The following EDIL3 variants were observed in gnomAD, a reference collection of about 807,000 sequenced individuals.
EDIL3 encodes the protein EGF-like repeat and discoidin I-like domain-containing protein 3.
Under a neutral mutation model 67.4 loss-of-function variants are expected in EDIL3, and 37 were observed. The ratio of observed to expected loss-of-function variants is 0.55; its 90% CI spans 0.42 to 0.72. The LOEUF is 0.72. Ranked by LOEUF, EDIL3 falls within the 30% of genes least tolerant of loss-of-function variation. EDIL3 has a pLI of 0.00. For missense variants in EDIL3, 527 were observed against 586.3 expected (o/e 0.90, Z 1.04); for synonymous variants, 195 against 196.3 (o/e 0.99, Z 0.05).
Position 84,083,148 on chromosome 5 carries a change from A to C in EDIL3, c.652-16542T>G, listed in dbSNP as rs184756890. 5.6e-4 allele frequency among the ~76,000 whole-genome samples: 86 copies of C among 152,332 alleles called. 1 individual carries two copies. The highest frequency in any genetic ancestry group is 2.0e-3 in the African/African-American group (84 of 41,580). On this transcript the variant is annotated intron_variant, in intron 6 of 10. Transcript: ENST00000296591. ...AATTATTTTAAAAATAAAATAGGAA[A>C]GATAAAATAGCTTAAAGTGTATTGA...
rs139017867 is a variant in EDIL3 at position 84,039,233 on chromosome 5, G to A, written c.1137+21067C>T. ...CCCAAATGTCATTTAGAGTCATTCAGGGGCATTCCTGGTAACTTTAACCCA... is the reference window on the plus strand; with the variant it reads ...CCCAAATGTCATTTAGAGTCATTCAAGGGCATTCCTGGTAACTTTAACCCA... On this transcript the variant is annotated intron_variant, in intron 9 of 10. Coordinates refer to ENST00000296591, the MANE Select transcript of EDIL3 (RefSeq NM_005711.5). Among the ~76,000 whole-genome samples, 246 of 152,118 alleles carry A rather than the reference G, an allele frequency of 1.6e-3. 2 individuals carry two copies. Among genetic ancestry groups the A allele is most frequent in the African/African-American group, 5.6e-3 (234 of 41,496 alleles).
At chr5:84,258,963 G>A (rs1002185024) in intron 1 of EDIL3, among the ~76,000 whole-genome samples, 85 of 140,292 alleles carry the variant, frequency 6.1e-4, no homozygotes, top group South Asian at 4.5e-4. Flanking sequence ...GGATATGTTC[G>A]TAGAGTCTTT....
rs772068872 is a variant in EDIL3 at position 84,060,393 on chromosome 5, C to T, written c.1044G>A (p.Met348Ile). Residue 348 changes from methionine to isoleucine, a missense_variant, in exon 9 of 11, where the codon ATG becomes ATA. Around this residue, in one of 2 missense-constraint regions of EDIL3, gnomAD observed 494 missense variants for 522.5 expected, o/e 0.95. Transcript: ENST00000296591. ...GAGCTTTCCTTGGTTCCCAAGTGAACATGTCCATGTTGAGCGTTCTGAAGA... is the reference window on the plus strand; with the variant it reads ...GAGCTTTCCTTGGTTCCCAAGTGAATATGTCCATGTTGAGCGTTCTGAAGA... Reference protein sequence around the residue: ...SSIFRTLNMDMFTWEPRKARL... With the variant: ...SSIFRTLNMDIFTWEPRKARL... 6.2e-7 allele frequency: 1 copy of T among 1,613,682 alleles called. No individual in the cohort carries two copies. Among genetic ancestry groups the T allele is most frequent in the African/African-American group, 1.3e-5 (1 of 74,872 alleles).
At chr5:84,296,017 G>A (rs1177193607) in intron 1 of EDIL3, among the ~76,000 whole-genome samples, 16 of 152,078 alleles carry the variant, frequency 1.1e-4, no homozygotes, top group African/African-American at 1.9e-4. Flanking sequence ...TTTCTGCATT[G>A]GCAAAATGGG....
At chr5:84,051,471 C>A (rs6452561) in intron 9 of EDIL3, among the ~76,000 whole-genome samples, 1 of 152,010 alleles carries the variant, frequency 6.6e-6, no homozygotes, top group Non-Finnish European at 1.5e-5. Flanking sequence ...ACGACTTTGA[C>A]GAGTTGAGAG....
intron 6 of EDIL3, among the ~76,000 whole-genome samples, chr5:84,103,005 C>T (rs1747395952): frequency 6.6e-6 from 1 of 151,988 alleles, no homozygotes; most frequent in East Asian, 1.9e-4. Context: ...TGTTTTGATA[C>T]TGATACAAAA....
At chr5:84,303,852 G>GTT (rs1162585130) in intron 1 of EDIL3, among the ~76,000 whole-genome samples, 20 of 137,604 alleles carry the variant, frequency 1.5e-4, no homozygotes, top group African/African-American at 5.9e-4. Flanking sequence ...GTGTGTGTTT[G>GTT]TGTGTGTGTG....
At chr5:84,143,951 G>A (rs1200930075) in intron 4 of EDIL3, among the ~76,000 whole-genome samples, 1 of 152,040 alleles carries the variant, frequency 6.6e-6, no homozygotes, top group Non-Finnish European at 1.5e-5. Context: ...CTGTACCAGT[G>A]AGTCCCTTGC....
chr5:84,021,506 G>C (rs1428388350), intron 9 of EDIL3, among the ~76,000 whole-genome samples: 2 of 151,806 alleles, frequency 1.3e-5, no homozygotes, highest in Admixed American at 6.6e-5. Flanking sequence ...TGTATATATA[G>C]TTTCCAAAGT....
intron 8 of EDIL3, among the ~76,000 whole-genome samples, chr5:84,062,649 T>C (rs1349051672): frequency 1.3e-5 from 2 of 152,136 alleles, no homozygotes; most frequent in South Asian, 2.1e-4. Flanking sequence ...TAGGAGATGA[T>C]CTTCAAAAGT....
At chr5:84,179,419 T>C (rs1474988739) in intron 4 of EDIL3, among the ~76,000 whole-genome samples, 2 of 152,148 alleles carry the variant, frequency 1.3e-5, no homozygotes, top group African/African-American at 4.8e-5. Flanking sequence ...TGCACTACAA[T>C]AGGTTTCTAC....
At chr5:84,194,254 C>T (rs1439549641) in intron 3 of EDIL3, among the ~76,000 whole-genome samples, 1 of 151,884 alleles carries the variant, frequency 6.6e-6, no homozygotes, top group East Asian at 1.9e-4. Context: ...ATCTGTCTTG[C>T]TGGTGGTGCT....
chr5:84,372,099 C>T (rs1349519015), intron 1 of EDIL3, among the ~76,000 whole-genome samples: 1 of 152,004 alleles, frequency 6.6e-6, no homozygotes, highest in Admixed American at 6.6e-5. Context: ...ACGTATGTGG[C>T]GGTATTTTAG....
chr5:84,035,347 A>C (rs1220179248), intron 9 of EDIL3, among the ~76,000 whole-genome samples: 1 of 152,124 alleles, frequency 6.6e-6, no homozygotes, highest in African/African-American at 2.4e-5. Flanking sequence ...CTTATTGCAC[A>C]AACTTTTCAG....
At chr5:84,124,119 G>C (rs1045657790) in intron 5 of EDIL3, among the ~76,000 whole-genome samples, 1 of 151,718 alleles carries the variant, frequency 6.6e-6, no homozygotes, top group Non-Finnish European at 1.5e-5. Context: ...ACTTATCCAG[G>C]TATGCATAAA....
At chr5:84,142,435 G>A (rs1342465450) in intron 4 of EDIL3, among the ~76,000 whole-genome samples, 1 of 151,948 alleles carries the variant, frequency 6.6e-6, no homozygotes, top group African/African-American at 2.4e-5. Context: ...GTTTTCAACT[G>A]GCTCACCTTT....
chr5:84,316,015 T>G (rs1026419071), intron 1 of EDIL3, among the ~76,000 whole-genome samples: 2 of 152,100 alleles, frequency 1.3e-5, no homozygotes, highest in Non-Finnish European at 2.9e-5. Context: ...AAACTAAGCT[T>G]CATAAGTGAA....
chr5:84,354,619 T>C (rs556912748), intron 1 of EDIL3, among the ~76,000 whole-genome samples: 1 of 147,966 alleles, frequency 6.8e-6, no homozygotes, highest in South Asian at 2.1e-4. Flanking sequence ...ATCACGCCAC[T>C]GCACTCCAGC....
At chr5:84,168,843 T>A (rs1179742782) in intron 4 of EDIL3, among the ~76,000 whole-genome samples, 1 of 152,198 alleles carries the variant, frequency 6.6e-6, no homozygotes, top group African/African-American at 2.4e-5. Context: ...TAGAAATTAG[T>A]TCATTTACTC....
Sources: allele counts gnomAD v4.1 joint callset (sites outside exome capture counted in the v4.1 genomes callset), GRCh38; gene constraint gnomAD v4.1.1; regional missense constraint gnomAD v4.1.1; transcripts MANE v1.5; gene names NCBI Gene and HGNC (gene_info 2026-07-23, HGNC 2026-07-21).